ATP8B3: variants seen among roughly 807,000 people sequenced by gnomAD.
ATP8B3 encodes the protein ATPase phospholipid transporting 8B3, also known as phospholipid-transporting ATPase IK.
A neutral mutation model predicts 140.9 loss-of-function variants in ATP8B3; 141 were observed. The ratio of observed to expected loss-of-function variants is 1.00; its 90% CI spans 0.87 to 1.15. The LOEUF is 1.15. ATP8B3 is among the 50% of genes most tolerant of loss of function. The pLI is 0.00. For missense variants in ATP8B3, 1,874 were observed against 1,740.6 expected (o/e 1.08, Z -1.36); for synonymous variants, 765 against 714.6 (o/e 1.07, Z -1.13).
rs1474134825 is a variant in ATP8B3, at chr19:1,809,144, A to AGATCTC, written c.402+498_402+499insGAGATC. ...AGCCGAGATCTCGCCACTGCATTCC[A>AGATCTC]GCCTGGGCGACAGAGCGAGACTCCA... On this transcript the variant is annotated intron_variant, in intron 4 of 28. Coordinates refer to ENST00000310127, the MANE Select transcript of ATP8B3 (RefSeq NM_138813.4). 4.0e-4 allele frequency among the ~76,000 whole-genome samples: 61 copies of AGATCTC among 152,192 alleles called. 1 individual carries two copies. Among genetic ancestry groups the AGATCTC allele is most frequent in the Middle Eastern group, 3.4e-3 (1 of 292 alleles).
At chr19:1,801,824 C>G (rs923754644) in intron 12 of ATP8B3, 132 bp downstream of exon 12, 1 of 450,290 alleles carries the variant, frequency 2.2e-6, no homozygotes, top group Non-Finnish European at 3.9e-6. Context: ...GAAAAATTTT[C>G]TGGCCCAAAG....
rs111699509 is a variant in ATP8B3, at chr19:1,796,807, C to T, written c.1657G>A (p.Val553Met). ...LFHNAALLHL[V>M]RTNGDEAVRE... ...ACGGCCTCGTCCCCGTTGGTCCGCA[C>T]GAGGTGCAGCAGGGCCGCATTGTGG... The change falls in exon 16 of 29, where the codon GTG (valine) becomes ATG (methionine). Residue 553 changes from valine (V) to methionine (M), a missense_variant. This residue lies in a region of ATP8B3 where 1,032 missense variants were observed against 963.6 expected (regional missense o/e 1.07). Transcript: ENST00000310127. 51 of 1,612,556 alleles carry T rather than the reference C, an allele frequency of 3.2e-5. No individual in the cohort carries two copies. Among genetic ancestry groups the T allele is most frequent in the Non-Finnish European group, 4.1e-5 (48 of 1,179,614 alleles).
In ATP8B3 at chr19:1,795,870, C is replaced by G. The variant is rs757604855; in HGVS notation, c.2055+5G>C. On this transcript the variant is annotated splice_donor_5th_base_variant and intron_variant, in intron 18 of 28. Coordinates refer to ENST00000310127, the MANE Select transcript of ATP8B3 (RefSeq NM_138813.4). The stretch of plus-strand genomic sequence containing the variant: ...ACATAAGCCAGCCTTCCTGAAGGGA[C>G]TCACAGCCAAGGCCTCCTCTGTGGC... 6.2e-7 allele frequency: 1 copy of G among 1,610,306 alleles called. No homozygotes were observed. The highest frequency in any genetic ancestry group is 8.5e-7 in the Non-Finnish European group (1 of 1,178,562).
chr19:1,811,011 G>A (rs1012627053), intron 2 of ATP8B3, among the ~76,000 whole-genome samples: 1 of 152,196 alleles, frequency 6.6e-6, no homozygotes, highest in Non-Finnish European at 1.5e-5. Context: ...GGCCATGCCA[G>A]CCTCCGGCCA....
At chr19:1,783,874 C>T (rs979944809) in intron 28 of ATP8B3, among the ~76,000 whole-genome samples, 13 of 152,120 alleles carry the variant, frequency 8.5e-5, no homozygotes, top group Non-Finnish European at 5.9e-5. Context: ...TGCTCTGTTG[C>T]CCAGATAGGA....
chr19:1,797,260 C>G (rs6510627), intron 14 of ATP8B3, among the ~76,000 whole-genome samples: 49,475 of 150,554 alleles, frequency 0.33, 8,705 homozygotes, highest in East Asian at 0.59. Context: ...AGCCTGGAGC[C>G]GGATGCGGCC....
At chr19:1,790,716 C>T in intron 21 of ATP8B3, 41 bp downstream of exon 21, 1 of 1,516,332 alleles carries the variant, frequency 6.6e-7, no homozygotes, top group South Asian at 1.2e-5. Flanking sequence ...GTCCTCACCT[C>T]CCCACTCCCC....
At chr19:1,788,818 G>A in intron 24 of ATP8B3, 79 bp downstream of exon 24, 1 of 1,358,686 alleles carries the variant, frequency 7.4e-7, no homozygotes, top group Non-Finnish European at 1.0e-6. Context: ...GTGCGTCCAG[G>A]GCTGCTCCTG....
At position 1,803,756 on chromosome 19, in the gene ATP8B3, C is replaced by T. The variant is rs184279571; in HGVS notation, c.905-1111G>A. On this transcript the variant is annotated intron_variant, in intron 10 of 28. Transcript: ENST00000310127. ...TACTGAAAATACAAAATTAGCTGGGCGTGGTGGCGGGCGCCTGGGATCCCA... is the reference window on the plus strand; with the variant it reads ...TACTGAAAATACAAAATTAGCTGGGTGTGGTGGCGGGCGCCTGGGATCCCA... 3.2e-3 allele frequency among the ~76,000 whole-genome samples: 481 copies of T among 152,050 alleles called. 1 individual carries two copies. The highest frequency in any genetic ancestry group is 6.2e-3 in the South Asian group (30 of 4,808).
At chr19:1,791,217 C>CTT (rs887948814) in intron 20 of ATP8B3, among the ~76,000 whole-genome samples, 2 of 146,232 alleles carry the variant, frequency 1.4e-5, no homozygotes. Context: ...CTGAAAATCA[C>CTT]TTTTTTTTTT....
At position 1,791,922 on chromosome 19, in the gene ATP8B3, G is replaced by A. The variant is rs560826837; in HGVS notation, c.2191-61C>T. The A allele has an allele frequency of 1.2e-4, 186 of 1,598,072 alleles. No homozygotes were observed. The African/African-American group carries it at 2.1e-3, about 18-fold the overall frequency. On this transcript the variant is annotated intron_variant, in intron 19 of 28. Coordinates refer to ENST00000310127, the MANE Select transcript of ATP8B3 (RefSeq NM_138813.4). ...GAGCAGCCGTCCAGCTCCCTGGCGGGGGCAGGAGAGTCCCAGGGCCCCCTT... is the reference window on the plus strand; with the variant it reads ...GAGCAGCCGTCCAGCTCCCTGGCGGAGGCAGGAGAGTCCCAGGGCCCCCTT...
Position 1,782,812 on chromosome 19 carries a change from T to A in ATP8B3, c.*216A>T, listed in dbSNP as rs1263091600. On this transcript the variant is annotated 3_prime_UTR_variant, in exon 29 of 29. Coordinates refer to ENST00000310127, the MANE Select transcript of ATP8B3 (RefSeq NM_138813.4). The stretch of plus-strand genomic sequence containing the variant: ...GCTTGGGTGACAATGACCTCTCCTG[T>A]GCCCTTGGCAATTGCTCTTGGAAAG... The A allele has an allele frequency of 1.6e-6, 1 of 609,604 alleles. No homozygotes were observed. Among genetic ancestry groups the A allele is most frequent in the East Asian group, 2.9e-5 (1 of 34,442 alleles). The allele number at this position is 609,604 out of a possible 1,614,324, so 37.8% of individuals were successfully genotyped here. A position where few individuals can be genotyped will look rare whatever the true frequency, so the allele number is the denominator to read the frequency against.
chr19:1,786,262 C>A (rs2068301051), intron 25 of ATP8B3, among the ~76,000 whole-genome samples: 1 of 151,604 alleles, frequency 6.6e-6, no homozygotes, highest in Admixed American at 6.6e-5. Context: ...TTGTATTCCA[C>A]CACAGTTAAA....
At position 1,802,060 on chromosome 19, in the gene ATP8B3, C is replaced by T; in HGVS notation, c.1064-16G>A. ...GTGTCAAAACCTACAAACATGTATC[C>T]ATCTATCCACCCACCCACCCACCCA... On this transcript the variant is annotated splice_polypyrimidine_tract_variant and intron_variant, in intron 11 of 28. Transcript: ENST00000310127. The T allele has an allele frequency of 6.4e-7, 1 of 1,570,086 alleles. No homozygotes were observed. Among genetic ancestry groups the T allele is most frequent in the South Asian group, 1.2e-5 (1 of 85,992 alleles).
At chr19:1,801,039 A>G (rs2068833030) in intron 12 of ATP8B3, among the ~76,000 whole-genome samples, 1 of 151,664 alleles carries the variant, frequency 6.6e-6, no homozygotes, top group African/African-American at 2.4e-5. Flanking sequence ...TGTGTTAGCC[A>G]GGATGGTCTT....
Position 1,802,456 on chromosome 19 carries a change from C to T in ATP8B3, c.1063+31G>A, listed in dbSNP as rs754858270. The T allele has an allele frequency of 5.3e-6, 7 of 1,324,826 alleles. No homozygotes were observed. The Admixed American group carries it at 1.5e-4, about 29-fold the overall frequency. 82.1% of individuals were successfully genotyped at this position (1,324,826 alleles called of 1,614,324 possible). ...ATCTACCACGCTCCCATCAGTACAG[C>T]TCCCACTCCAGGACCCTGGAGCAGC... On this transcript the variant is annotated intron_variant, in intron 11 of 28. Transcript: ENST00000310127.
Position 1,794,975 on chromosome 19 carries a change from G to A in ATP8B3, c.2055+900C>T, listed in dbSNP as rs910460515. 2.0e-5 allele frequency among the ~76,000 whole-genome samples: 3 copies of A among 152,208 alleles called. No homozygotes were observed. The highest frequency in any genetic ancestry group is 7.2e-5 in the African/African-American group (3 of 41,448). On this transcript the variant is annotated intron_variant, in intron 18 of 28. Coordinates refer to ENST00000310127, the MANE Select transcript of ATP8B3 (RefSeq NM_138813.4). The surrounding 1 kb of genome is among the most constrained non-coding windows in gnomAD (Gnocchi z 4.8). ...GTGCAAATGAGAAAAATACACCCTT[G>A]GCCGGGCGCGGTGGCCTACGCCTGT...
chr19:1,782,754 T>G lies in ATP8B3; in HGVS notation c.*274A>C, dbSNP rs1600376717. 2.1e-6 allele frequency: 1 copy of G among 475,684 alleles called. No homozygotes were observed. The highest frequency in any genetic ancestry group is 5.8e-4 in the Middle Eastern group (1 of 1,722). 29.5% of individuals were successfully genotyped at this position (475,684 alleles called of 1,614,324 possible). On this transcript the variant is annotated 3_prime_UTR_variant, in exon 29 of 29. Transcript: ENST00000310127. ...TGAAAAGAATGTGACCTCTCCTTGGTCAACAGCAACTTCTCAGGAGAAGGT... is the reference window on the plus strand; with the variant it reads ...TGAAAAGAATGTGACCTCTCCTTGGGCAACAGCAACTTCTCAGGAGAAGGT...
In ATP8B3 at chr19:1,805,452, T is replaced by C; in HGVS notation, c.826A>G (p.Thr276Ala). 6.4e-7 allele frequency: 1 copy of C among 1,561,218 alleles called. No individual in the cohort carries two copies. The highest frequency in any genetic ancestry group is 1.2e-5 in the South Asian group (1 of 84,884). ...AGGGCCTGTCTGAACTTCAAGTTGGTCTCCCTGGTGACGAGGAGAGGAGGG... is the reference window on the plus strand; with the variant it reads ...AGGGCCTGTCTGAACTTCAAGTTGGCCTCCCTGGTGACGAGGAGAGGAGGG... Reference protein sequence around the residue: ...YVETVDIDGETNLKFRQALMV... With the variant: ...YVETVDIDGEANLKFRQALMV... The change falls in exon 10 of 29, where the codon ACC (threonine) becomes GCC (alanine). Residue 276 changes from threonine (T) to alanine (A), a missense_variant. Around this residue, in one of 3 missense-constraint regions of ATP8B3, gnomAD observed 1,032 missense variants for 963.6 expected, o/e 1.07. Transcript: ENST00000310127. The surrounding 1 kb of genome is among the most constrained non-coding windows in gnomAD (Gnocchi z 5.2).
Sources: gnomAD v4.1 joint callset for allele counts (sites outside exome capture counted in the v4.1 genomes callset) on GRCh38, gnomAD v4.1.1 for gene constraint, gnomAD v4.1.1 regional missense constraint, Gnocchi (gnomAD v3.1) non-coding constraint, MANE v1.5 for transcripts, NCBI Gene and HGNC (gene_info 2026-07-23, HGNC 2026-07-21) for gene names.